ZNF678: variants seen among roughly 807,000 people sequenced by gnomAD.
ZNF678 encodes the protein zinc finger protein 678.
Under a neutral mutation model 3.0 loss-of-function variants are expected in ZNF678, and 5 were observed. The ratio of observed to expected loss-of-function variants is 1.69; its 90% CI spans 0.88 to 3.56. ZNF678 has a LOEUF of 3.56. ZNF678 is among the 30% of genes most tolerant of loss of function. The pLI is 0.00. For synonymous variants in ZNF678, 218 were observed against 199.6 expected, an observed-to-expected ratio of 1.09 and a Z score of -0.78; for missense variants, 593 against 605.0, an observed-to-expected ratio of 0.98 and a Z score of 0.21.
chr1:227,590,146 G>GT (rs1657374133), intron 1 of ZNF678, among the ~76,000 whole-genome samples: 2 of 151,762 alleles, frequency 1.3e-5, no homozygotes, highest in Non-Finnish European at 2.9e-5. Context: ...TATTATAAGA[G>GT]TTTTAAATCC....
chr1:227,600,782 G>A (rs553920623), intron 1 of ZNF678, among the ~76,000 whole-genome samples: 5 of 152,092 alleles, frequency 3.3e-5, no homozygotes, highest in Non-Finnish European at 7.4e-5. Flanking sequence ...AAGCTCTTTA[G>A]TTTAATTAGA....
chr1:227,626,273 C>A (rs1434340595), intron 1 of ZNF678, among the ~76,000 whole-genome samples: 1 of 152,150 alleles, frequency 6.6e-6, no homozygotes, highest in African/African-American at 2.4e-5. Flanking sequence ...GTGTTGTCTC[C>A]TGGATTTTCT....
chr1:227,642,760 C>T (rs1454066478), intron 1 of ZNF678, among the ~76,000 whole-genome samples: 4 of 151,736 alleles, frequency 2.6e-5, no homozygotes, highest in African/African-American at 4.8e-5. Context: ...ATTCTGCTTT[C>T]ATCTCAGTGG....
chr1:227,635,217 T>G (rs10916187), intron 1 of ZNF678, among the ~76,000 whole-genome samples: 72,633 of 151,626 alleles, frequency 0.48, 18,501 homozygotes, highest in African/African-American at 0.66. Flanking sequence ...GCACATCTTT[T>G]AAAAAGCTAA....
At chr1:227,630,185 C>T (rs1658516354) in intron 1 of ZNF678, among the ~76,000 whole-genome samples, 1 of 152,168 alleles carries the variant, frequency 6.6e-6, no homozygotes, top group Admixed American at 6.5e-5. Flanking sequence ...CTCCCTTAGT[C>T]TCTCCAGAAA....
intron 1 of ZNF678, among the ~76,000 whole-genome samples, chr1:227,597,530 C>T (rs1327593484): frequency 2.0e-5 from 3 of 152,148 alleles, no homozygotes; most frequent in East Asian, 1.9e-4. Context: ...TAAAATAATT[C>T]CTCTCCCAAG....
At chr1:227,641,293 A>G (rs1469478684) in intron 1 of ZNF678, among the ~76,000 whole-genome samples, 6 of 152,200 alleles carry the variant, frequency 3.9e-5, no homozygotes, top group African/African-American at 1.2e-4. Context: ...GTGGAGCAAC[A>G]TGCTGTTTTA....
In ZNF678 at chr1:227,588,331, C is replaced by A. The variant is rs1213314260; in HGVS notation, c.-164+24607C>A. Among the ~76,000 whole-genome samples the A allele has an allele frequency of 2.6e-5, 4 of 151,936 alleles. No homozygotes were observed. The East Asian group carries it at 7.7e-4, about 29-fold the overall frequency. ...TCTTTATAAAAGAATGATTTATATT[C>A]TTTTGGGTGTACATCTGGTAATGGG... On this transcript the variant is annotated intron_variant, in intron 1 of 3. Transcript: ENST00000343776.
chr1:227,593,479 T>C lies in ZNF678; in HGVS notation c.-164+29755T>C, dbSNP rs531546543. Among the ~76,000 whole-genome samples the C allele has an allele frequency of 3.9e-5, 6 of 152,232 alleles. No homozygotes were observed. In the East Asian group the frequency reaches 7.7e-4, roughly 20 times the overall value. ...CCAGCTATGGCATGAAAGCTCTACA[T>C]TGGGGGGCAAGACTCCTGGTTGGCA... On this transcript the variant is annotated intron_variant, in intron 1 of 3. Transcript: ENST00000343776.
intron 1 of ZNF678, among the ~76,000 whole-genome samples, chr1:227,577,359 T>C (rs1657012121): frequency 6.6e-6 from 1 of 152,206 alleles, no homozygotes; most frequent in Non-Finnish European, 1.5e-5. Context: ...ACTATTACTG[T>C]GTGGGAGTCT....
intron 1 of ZNF678, among the ~76,000 whole-genome samples, chr1:227,608,067 TA>T (rs1206265396): frequency 4.6e-5 from 7 of 151,962 alleles, no homozygotes; most frequent in Non-Finnish European, 8.8e-5. Context: ...AAAAAATCTT[TA>T]AAACTTTAAA....
chr1:227,591,053 T>G (rs1657400247), intron 1 of ZNF678, among the ~76,000 whole-genome samples: 1 of 151,810 alleles, frequency 6.6e-6, no homozygotes. Context: ...TAACATGAAG[T>G]GACATTGAGA....
At position 227,655,257 on chromosome 1, in the gene ZNF678, T is replaced by C; in HGVS notation, c.1007T>C (p.Leu336Pro). 6.2e-7 allele frequency: 1 copy of C among 1,612,682 alleles called. No homozygotes were observed. The highest frequency in any genetic ancestry group is 8.5e-7 in the Non-Finnish European group (1 of 1,179,434). Residue 336 changes from leucine to proline, a missense_variant, in exon 4 of 4, where the codon CTA becomes CCA. Transcript: ENST00000343776. ...CGKTFNRCSH[L>P]SSHKRIHTGE... ...AAAACTTTTAATCGGTGTTCACACCTAAGTAGCCATAAGAGAATTCATACT... is the reference window on the plus strand; with the variant it reads ...AAAACTTTTAATCGGTGTTCACACCCAAGTAGCCATAAGAGAATTCATACT...
chr1:227,592,769 G>A (rs1017583686), intron 1 of ZNF678, among the ~76,000 whole-genome samples: 2 of 152,292 alleles, frequency 1.3e-5, no homozygotes, highest in Admixed American at 6.5e-5. Flanking sequence ...CTTGCTTTAC[G>A]ATGTCTTATT....
At chr1:227,678,919 A>G (rs1406316260), downstream of ZNF678, among the ~76,000 whole-genome samples, 1 of 152,202 alleles carries the variant, frequency 6.6e-6, no homozygotes, top group Non-Finnish European at 1.5e-5. Flanking sequence ...TAATCCTTAC[A>G]TCTCTCATAA....
At chr1:227,590,271 CT>C (rs1412466974) in intron 1 of ZNF678, among the ~76,000 whole-genome samples, 3 of 151,808 alleles carry the variant, frequency 2.0e-5, no homozygotes, top group Non-Finnish European at 4.4e-5. Flanking sequence ...CTACTTGCCC[CT>C]GATCATCTAT....
chr1:227,657,394 T>C lies in ZNF678; in HGVS notation c.*1566T>C, dbSNP rs140809822. 7 of 152,040 alleles carry C rather than the reference T, an allele frequency of 4.6e-5. No homozygotes were observed. The East Asian group carries it at 1.4e-3, about 29-fold the overall frequency. 9.4% of individuals were successfully genotyped at this position (152,040 alleles called of 1,614,324 possible). A position where few individuals can be genotyped will look rare whatever the true frequency, so the allele number is the denominator to read the frequency against. ...TGTATTAATTTGCCAGTGTTAAGTA[T>C]TCCCTTCTAGCAGCACAAAATGGAC... On this transcript the variant is annotated 3_prime_UTR_variant, in exon 4 of 4. Transcript: ENST00000343776.
At chr1:227,585,601 C>A (rs192217855) in intron 1 of ZNF678, among the ~76,000 whole-genome samples, 2 of 152,044 alleles carry the variant, frequency 1.3e-5, no homozygotes, top group Non-Finnish European at 2.9e-5. Flanking sequence ...GTTGAAACCC[C>A]GTCTCTACTA....
intron 1 of ZNF678, among the ~76,000 whole-genome samples, chr1:227,596,912 AAC>A (rs1657607220): frequency 6.6e-6 from 1 of 152,344 alleles, no homozygotes; most frequent in African/African-American, 2.4e-5. Context: ...AGGAATATCA[AAC>A]ACAAAGTCCA....
Sources: allele counts gnomAD v4.1 joint callset (sites outside exome capture counted in the v4.1 genomes callset), GRCh38; gene constraint gnomAD v4.1.1; transcripts MANE v1.5; gene names NCBI Gene and HGNC (gene_info 2026-07-23, HGNC 2026-07-21).